PI4KA: variants seen among roughly 807,000 people sequenced by gnomAD.
PI4KA encodes the protein phosphatidylinositol 4-kinase alpha.
PI4KA carries 122 observed loss-of-function variants against 271.4 expected under a neutral mutation model. The ratio of observed to expected loss-of-function variants is 0.45; its 90% CI spans 0.39 to 0.52. The LOEUF (loss-of-function observed/expected upper bound fraction) is 0.52. Among genes scored for constraint, PI4KA ranks in the 20% least tolerant of loss-of-function variants. PI4KA has a pLI of 0.00. For synonymous variants in PI4KA, 1,041 were observed against 1,078.8 expected, an observed-to-expected ratio of 0.96 and a Z score of 0.69; for missense variants, 1,969 against 2,769.1, an observed-to-expected ratio of 0.71 and a Z score of 6.48.
intron 19 of PI4KA, chr22:20,787,390 TTGC>T: frequency 2.6e-6 from 1 of 386,146 alleles, no homozygotes; most frequent in Admixed American, 3.8e-5. Flanking sequence ...GACCCCATCC[TTGC>T]ACACCTGACT....
At chr22:20,780,027 AAAGT>A in intron 19 of PI4KA, 2 of 1,614,170 alleles carry the variant, frequency 1.2e-6, no homozygotes, top group Middle Eastern at 1.6e-4. Flanking sequence ...CTTCAAAACT[AAAGT>A]AAGAGAGTAT....
At chr22:20,813,578 C>G (rs1420752111) in intron 7 of PI4KA, 72 bp from the exon 8 acceptor site, 3 of 1,381,772 alleles carry the variant, frequency 2.2e-6, no homozygotes, top group Non-Finnish European at 3.0e-6. Flanking sequence ...GCTGACTCCC[C>G]CAATAACCAA....
Position 20,810,893 on chromosome 22 carries a change from C to A in PI4KA, c.1071+74G>T. Reference sequence around the variant, plus strand: ...AACCCCTTCCACTCCAGCCCCCGCTCAAACTCTTCCTGCTTTCTCTACACA... The same window carrying A: ...AACCCCTTCCACTCCAGCCCCCGCTAAAACTCTTCCTGCTTTCTCTACACA... On this transcript the variant is annotated intron_variant, in intron 9 of 54. Transcript: ENST00000255882. 2.6e-6 allele frequency: 3 copies of A among 1,151,864 alleles called. No homozygotes were observed. The South Asian group carries it at 3.7e-5, about 14-fold the overall frequency. 71.4% of individuals were successfully genotyped at this position (1,151,864 alleles called of 1,614,324 possible). A position where few individuals can be genotyped will look rare whatever the true frequency, so the allele number is the denominator to read the frequency against.
Position 20,825,069 on chromosome 22 carries a change from CA to C in PI4KA, c.368-656del, listed in dbSNP as rs362248. Among the ~76,000 whole-genome samples, 195 of 76,894 alleles carry C rather than the reference CA, an allele frequency of 2.5e-3. 3 individuals carry two copies. Among genetic ancestry groups the C allele is most frequent in the African/African-American group, 0.01 (187 of 17,826 alleles). 50.4% of individuals were successfully genotyped at this position (76,894 alleles called of 152,430 possible). ...TGGGTGACAGAATGAGACGCCATCT[CA>C]AAAAAAAAAAAAAAAATCAATTTTG... On this transcript the variant is annotated intron_variant, in intron 3 of 54. Transcript: ENST00000255882.
chr22:20,750,005 G>A lies in PI4KA; in HGVS notation c.3154-11C>T, dbSNP rs762440376. 3.8e-5 allele frequency: 60 copies of A among 1,591,934 alleles called. No homozygotes were observed. The highest frequency in any genetic ancestry group is 5.1e-5 in the Non-Finnish European group (59 of 1,160,132). Reference sequence around the variant, plus strand: ...GTCCTTCACAATGCTCTGGAAGAGGGTGAAGCTGCTTCTCAACAACCCGAG... The same window carrying A: ...GTCCTTCACAATGCTCTGGAAGAGGATGAAGCTGCTTCTCAACAACCCGAG... On this transcript the variant is annotated splice_polypyrimidine_tract_variant and intron_variant, in intron 27 of 54. Coordinates refer to ENST00000255882, the MANE Select transcript of PI4KA (RefSeq NM_058004.4).
chr22:20,773,300 C>T (rs979571282), intron 19 of PI4KA, among the ~76,000 whole-genome samples: 1 of 40,934 alleles, frequency 2.4e-5, no homozygotes, highest in Non-Finnish European at 4.9e-5. Context: ...GGCAGGAGAA[C>T]GCTTGAACTT....
intron 14 of PI4KA, 56 bp downstream of exon 14, chr22:20,801,917 A>G: frequency 6.3e-7 from 1 of 1,586,800 alleles, no homozygotes; most frequent in Non-Finnish European, 8.6e-7. Context: ...CTTATTTTGT[A>G]ATAACCCGCT....
intron 19 of PI4KA, among the ~76,000 whole-genome samples, chr22:20,775,862 G>A (rs1046377568): frequency 1.2e-4 from 19 of 152,250 alleles, no homozygotes; most frequent in South Asian, 1.2e-3. Context: ...GTTGGGCAAG[G>A]AGCCTTCTAC....
chr22:20,819,911 A>C lies in PI4KA; in HGVS notation c.530-11T>G. On this transcript the variant is annotated splice_polypyrimidine_tract_variant and intron_variant, in intron 5 of 54. Transcript: ENST00000255882. ...ACTTGCAAAGGTATTCTAGAAGATCAAGTGAAAACGTTACAATATAAGAAA... is the reference window on the plus strand; with the variant it reads ...ACTTGCAAAGGTATTCTAGAAGATCCAGTGAAAACGTTACAATATAAGAAA... 1 of 1,609,820 alleles carries C rather than the reference A, an allele frequency of 6.2e-7. No individual in the cohort carries two copies. Among genetic ancestry groups the C allele is most frequent in the Non-Finnish European group, 8.5e-7 (1 of 1,176,516 alleles).
At position 20,724,249 on chromosome 22, in the gene PI4KA, G is replaced by A. The variant is rs922491500; in HGVS notation, c.4995+2239C>T. On this transcript the variant is annotated intron_variant, in intron 42 of 54. Coordinates refer to ENST00000255882, the MANE Select transcript of PI4KA (RefSeq NM_058004.4). ...GAACCTGGGAGGCAGAGGTTGTAGTGAGCTGAGATCACACCATTGCACTCC... is the reference window on the plus strand; with the variant it reads ...GAACCTGGGAGGCAGAGGTTGTAGTAAGCTGAGATCACACCATTGCACTCC... Among the ~76,000 whole-genome samples the A allele has an allele frequency of 2.0e-5, 3 of 151,586 alleles. No homozygotes were observed. The South Asian group carries it at 6.3e-4, about 32-fold the overall frequency.
intron 9 of PI4KA, among the ~76,000 whole-genome samples, chr22:20,810,386 G>A (rs960378796): frequency 1.3e-5 from 2 of 151,990 alleles, no homozygotes; most frequent in Non-Finnish European, 2.9e-5. Flanking sequence ...GAGGGTGCCT[G>A]TAGTCCCAGC....
intron 1 of PI4KA, among the ~76,000 whole-genome samples, chr22:20,847,404 T>C (rs958975932): frequency 3.9e-5 from 6 of 152,082 alleles, no homozygotes; most frequent in South Asian, 2.1e-4. Flanking sequence ...CTGGGCAACA[T>C]AGTGAGTCTC....
intron 43 of PI4KA, among the ~76,000 whole-genome samples, chr22:20,719,265 A>C (rs1367683013): frequency 6.6e-6 from 1 of 151,472 alleles, no homozygotes; most frequent in Non-Finnish European, 1.5e-5. Flanking sequence ...TTTTTAATAG[A>C]GGCACACAGT....
rs1461765300 is a variant in PI4KA at position 20,714,704 on chromosome 22, T to G, written c.5318-4A>C. The G allele has an allele frequency of 6.2e-7, 1 of 1,613,568 alleles. No individual in the cohort carries two copies. The highest frequency in any genetic ancestry group is 1.1e-5 in the South Asian group (1 of 91,040). ...GGGTTGCTGGGCAGGTAGCAGCCTG[T>G]GCAGGGACAGAGGCAGTCACAGGGA... On this transcript the variant is annotated splice_polypyrimidine_tract_variant and splice_region_variant and intron_variant, in intron 45 of 54. Transcript: ENST00000255882.
intron 23 of PI4KA, among the ~76,000 whole-genome samples, chr22:20,758,462 T>TC (rs1309235394): frequency 4.8e-5 from 7 of 146,348 alleles, no homozygotes; most frequent in East Asian, 3.9e-4. Flanking sequence ...TTCTTTTCTT[T>TC]TTTTTTTTTT....
intron 10 of PI4KA, among the ~76,000 whole-genome samples, chr22:20,805,758 G>A (rs149398036): frequency 1.1e-4 from 16 of 151,790 alleles, no homozygotes; most frequent in African/African-American, 3.1e-4. Flanking sequence ...CGTCAACCCG[G>A]GAGGCGGAGC....
chr22:20,834,274 C>G (rs1275171835), intron 3 of PI4KA, among the ~76,000 whole-genome samples: 1 of 152,100 alleles, frequency 6.6e-6, no homozygotes, highest in African/African-American at 2.4e-5. Context: ...CCAATTCTGG[C>G]CAATGAGACA....
intron 50 of PI4KA, among the ~76,000 whole-genome samples, chr22:20,711,874 A>G (rs1925328473): frequency 6.6e-6 from 1 of 150,672 alleles, no homozygotes. Context: ...CCTCCCGAGT[A>G]GCTGGGACTA....
chr22:20,857,008 G>A (rs919894638), intron 1 of PI4KA, among the ~76,000 whole-genome samples: 7 of 152,184 alleles, frequency 4.6e-5, no homozygotes, highest in South Asian at 4.1e-4. Flanking sequence ...GCTAAGAAGC[G>A]AATGTGCTGA....
Sources: gnomAD v4.1 joint callset for allele counts (sites outside exome capture counted in the v4.1 genomes callset) on GRCh38, gnomAD v4.1.1 for gene constraint, MANE v1.5 for transcripts, NCBI Gene and HGNC (gene_info 2026-07-23, HGNC 2026-07-21) for gene names.